DTNBP1: variants seen among roughly 807,000 people sequenced by gnomAD.
The protein encoded by DTNBP1 is dysbindin.
Under a neutral mutation model 42.8 loss-of-function variants are expected in DTNBP1, and 35 were observed. The observed-to-expected ratio is 0.82, with a 90% CI of 0.63 to 1.09. The LOEUF is 1.09. Among genes scored for constraint, DTNBP1 ranks in the 50% least tolerant of loss-of-function variants. The pLI is 0.00. For missense variants in DTNBP1, 457 were observed against 424.2 expected (o/e 1.08, Z -0.68); for synonymous variants, 171 against 162.2 (o/e 1.05, Z -0.41).
intron 9 of DTNBP1, 84 bp from the exon 10 acceptor site, chr6:15,523,303 C>A (rs181025481): frequency 1.3e-6 from 2 of 1,569,246 alleles, no homozygotes; most frequent in South Asian, 1.1e-5. Context: ...GGAATGTGCC[C>A]GTCATGAAAG....
intron 1 of DTNBP1, among the ~76,000 whole-genome samples, chr6:15,659,265 G>T (rs901198492): frequency 1.3e-5 from 2 of 152,226 alleles, no homozygotes; most frequent in Admixed American, 1.3e-4. Flanking sequence ...TTCAGAAAGT[G>T]AAAATGATCA....
chr6:15,648,845 CA>C (rs1413989872), intron 3 of DTNBP1, among the ~76,000 whole-genome samples: 1 of 151,972 alleles, frequency 6.6e-6, no homozygotes, highest in African/African-American at 2.4e-5. Flanking sequence ...ATCAAAACCC[CA>C]ATGACATTCT....
At chr6:15,528,565 T>C (rs1772580382) in intron 8 of DTNBP1, among the ~76,000 whole-genome samples, 1 of 152,170 alleles carries the variant, frequency 6.6e-6, no homozygotes, top group African/African-American at 2.4e-5. Context: ...TTCCTGAATA[T>C]ACAGAAACTG....
chr6:15,560,845 A>C (rs768314720), intron 7 of DTNBP1, among the ~76,000 whole-genome samples: 1 of 152,222 alleles, frequency 6.6e-6, no homozygotes, highest in Non-Finnish European at 1.5e-5. Context: ...CAAACCTTTA[A>C]TAAGAAGTCT....
chr6:15,625,877 C>T (rs912429848), intron 5 of DTNBP1, among the ~76,000 whole-genome samples: 1 of 152,176 alleles, frequency 6.6e-6, no homozygotes, highest in African/African-American at 2.4e-5. Flanking sequence ...AAGGCTATGT[C>T]CAAGGCTTGG....
At chr6:15,654,734 G>A (rs1286065868) in intron 1 of DTNBP1, among the ~76,000 whole-genome samples, 2 of 152,044 alleles carry the variant, frequency 1.3e-5, no homozygotes, top group African/African-American at 2.4e-5. Flanking sequence ...TCCCCATGTG[G>A]CTCTTTAACA....
intron 1 of DTNBP1, among the ~76,000 whole-genome samples, chr6:15,652,429 G>T (rs760367466): frequency 6.6e-6 from 1 of 151,830 alleles, no homozygotes; most frequent in Non-Finnish European, 1.5e-5. Flanking sequence ...TGATCCTCCT[G>T]CCTCAGCCTC....
intron 8 of DTNBP1, among the ~76,000 whole-genome samples, chr6:15,526,312 G>C (rs189499336): frequency 7.9e-5 from 12 of 151,876 alleles, no homozygotes; most frequent in Non-Finnish European, 1.8e-4. Context: ...CAGTCATAAC[G>C]AGGAGTCACC....
At chr6:15,550,104 C>A (rs1182959931) in intron 7 of DTNBP1, among the ~76,000 whole-genome samples, 2 of 152,178 alleles carry the variant, frequency 1.3e-5, no homozygotes, top group Non-Finnish European at 2.9e-5. Flanking sequence ...TAAAATTTAC[C>A]ATTAGTGTAA....
At chr6:15,603,883 CT>C (rs1310747440) in intron 6 of DTNBP1, among the ~76,000 whole-genome samples, 1 of 152,128 alleles carries the variant, frequency 6.6e-6, no homozygotes, top group Non-Finnish European at 1.5e-5. Context: ...ATTTTTTTCC[CT>C]CCTGCCTTGG....
chr6:15,626,851 C>A (rs576304361), intron 5 of DTNBP1, among the ~76,000 whole-genome samples: 5 of 152,170 alleles, frequency 3.3e-5, no homozygotes, highest in African/African-American at 1.2e-4. Flanking sequence ...TCCAGAATAG[C>A]TGCAACTGCA....
chr6:15,617,493 C>CA (rs751822387), intron 5 of DTNBP1, among the ~76,000 whole-genome samples: 32 of 151,778 alleles, frequency 2.1e-4, no homozygotes, highest in Non-Finnish European at 4.4e-4. Flanking sequence ...CTATAGTAAC[C>CA]AAAACAGCAT....
chr6:15,657,904 C>T (rs944346035), intron 1 of DTNBP1, among the ~76,000 whole-genome samples: 1 of 152,178 alleles, frequency 6.6e-6, no homozygotes, highest in Non-Finnish European at 1.5e-5. Context: ...CGCAATTTCT[C>T]CTCATTATTC....
chr6:15,577,520 A>G (rs1561969955), intron 7 of DTNBP1, among the ~76,000 whole-genome samples: 1 of 152,238 alleles, frequency 6.6e-6, no homozygotes, highest in Admixed American at 6.5e-5. Flanking sequence ...GAGAGGACTC[A>G]TGCAGCATTT....
At chr6:15,553,453 G>A (rs2113428997) in intron 7 of DTNBP1, among the ~76,000 whole-genome samples, 1 of 151,968 alleles carries the variant, frequency 6.6e-6, no homozygotes, top group South Asian at 2.1e-4. Flanking sequence ...GAGATGGTAA[G>A]TGGTAAGTGA....
intron 6 of DTNBP1, among the ~76,000 whole-genome samples, chr6:15,599,484 T>C (rs1298939311): frequency 6.6e-6 from 1 of 152,182 alleles, no homozygotes; most frequent in Non-Finnish European, 1.5e-5. Context: ...AGTTTAGCCC[T>C]AACAGAAAGT....
intron 7 of DTNBP1, chr6:15,579,691 G>C (rs1388946317): frequency 3.7e-6 from 1 of 267,644 alleles, no homozygotes; most frequent in African/African-American, 2.2e-5. Flanking sequence ...TGTAATCCCA[G>C]CTATTTGGGA....
chr6:15,581,413 C>T (rs942565410), intron 7 of DTNBP1, among the ~76,000 whole-genome samples: 23 of 150,768 alleles, frequency 1.5e-4, no homozygotes, highest in Non-Finnish European at 3.1e-4. Context: ...CTCCTGACCT[C>T]GTGATCCACC....
chr6:15,575,144 T>A (rs9349982), intron 7 of DTNBP1, among the ~76,000 whole-genome samples: 52,889 of 151,912 alleles, frequency 0.35, 9,987 homozygotes, highest in East Asian at 0.6. Context: ...AAACCTTTTT[T>A]AAAAAACTTA....
Sources: gnomAD v4.1 joint callset for allele counts (sites outside exome capture counted in the v4.1 genomes callset) on GRCh38, gnomAD v4.1.1 for gene constraint, MANE v1.5 for transcripts, NCBI Gene and HGNC (gene_info 2026-07-23, HGNC 2026-07-21) for gene names.